Variants in KLHL1 observed in about 807,000 individuals in gnomAD.
KLHL1 encodes kelch-like protein 1.
In KLHL1, 47 loss-of-function variants were observed where a neutral mutation model predicts 77.7. The observed-to-expected ratio is 0.60, with a 90% CI of 0.48 to 0.77. The LOEUF (loss-of-function observed/expected upper bound fraction) is 0.77, where lower values mean the gene tolerates loss of function less well. Among genes scored for constraint, KLHL1 ranks in the 30% least tolerant of loss-of-function variants. The probability of loss-of-function intolerance (pLI) is 0.00; values close to 1 mark genes in which losing one functional copy is unlikely to be tolerated. For missense variants in KLHL1, 925 were observed against 910.8 expected, an observed-to-expected ratio of 1.02 and a Z score of -0.20; for synonymous variants, 360 against 325.2, an observed-to-expected ratio of 1.11 and a Z score of -1.15.
intron 5 of KLHL1, among the ~76,000 whole-genome samples, chr13:69,847,188 A>G (rs1167782978): frequency 1.3e-5 from 2 of 151,330 alleles, no homozygotes; most frequent in African/African-American, 4.8e-5. Context: ...TTCTTGCTGG[A>G]TGACCTACTT....
chr13:69,760,177 A>C (rs1366675514), intron 7 of KLHL1, among the ~76,000 whole-genome samples: 1 of 150,356 alleles, frequency 6.7e-6, no homozygotes, highest in Non-Finnish European at 1.5e-5. Flanking sequence ...TAAGCCTATT[A>C]AGGAGTAAGA....
chr13:69,765,154 G>A (rs1875234264), intron 7 of KLHL1, among the ~76,000 whole-genome samples: 1 of 151,474 alleles, frequency 6.6e-6, no homozygotes, highest in Non-Finnish European at 1.5e-5. Context: ...ATTTTGCCAT[G>A]TTGGCCAGAA....
intron 1 of KLHL1, among the ~76,000 whole-genome samples, chr13:70,020,294 G>A (rs868063735): frequency 1.4e-4 from 21 of 152,200 alleles, no homozygotes; most frequent in African/African-American, 4.6e-4. Context: ...ATATTTTCCA[G>A]AATGGTTCAC....
intron 1 of KLHL1, among the ~76,000 whole-genome samples, chr13:70,033,720 A>G (rs909295428): frequency 4.2e-5 from 6 of 142,674 alleles, no homozygotes; most frequent in African/African-American, 1.6e-4. Flanking sequence ...CCCGGGTTCA[A>G]GCTATTCTCA....
At chr13:70,103,304 G>C (rs1887969205) in intron 1 of KLHL1, among the ~76,000 whole-genome samples, 1 of 152,114 alleles carries the variant, frequency 6.6e-6, no homozygotes, top group Non-Finnish European at 1.5e-5. Context: ...GTAAGTGAAT[G>C]GCCTACATAG....
intron 1 of KLHL1, among the ~76,000 whole-genome samples, chr13:69,996,745 T>C (rs1200528137): frequency 6.6e-6 from 1 of 151,942 alleles, no homozygotes; most frequent in East Asian, 1.9e-4. Context: ...GATTATTAAA[T>C]GTAGAGGGCA....
chr13:70,018,290 GATAAA>G (rs1301294104), intron 1 of KLHL1, among the ~76,000 whole-genome samples: 19 of 152,180 alleles, frequency 1.2e-4, no homozygotes, highest in African/African-American at 4.3e-4. Context: ...ATAAATGGAA[GATAAA>G]ATAAATTGTC....
chr13:69,750,512 G>GTA (rs1016847686), intron 7 of KLHL1, among the ~76,000 whole-genome samples: 1 of 151,508 alleles, frequency 6.6e-6, no homozygotes, highest in Non-Finnish European at 1.5e-5. Context: ...ATGTATGTGT[G>GTA]TATATATATG....
chr13:69,944,620 T>A (rs764924912), intron 3 of KLHL1, among the ~76,000 whole-genome samples: 1 of 152,140 alleles, frequency 6.6e-6, no homozygotes, highest in Non-Finnish European at 1.5e-5. Flanking sequence ...AAGATCAATA[T>A]TGCTAAGATT....
intron 1 of KLHL1, among the ~76,000 whole-genome samples, chr13:70,065,351 T>G (rs973134247): frequency 5.9e-5 from 9 of 152,164 alleles, no homozygotes; most frequent in African/African-American, 2.2e-4. Flanking sequence ...CATAGCCAAC[T>G]CCAGATTCTT....
chr13:69,787,198 C>T (rs373239624), intron 7 of KLHL1, among the ~76,000 whole-genome samples: 25 of 152,256 alleles, frequency 1.6e-4, no homozygotes, highest in South Asian at 1.0e-3. Context: ...GCCCTCATTG[C>T]CAAGTCAATC....
chr13:69,715,007 A>G (rs77983781), intron 9 of KLHL1, among the ~76,000 whole-genome samples: 13,044 of 152,202 alleles, frequency 0.086, 743 homozygotes, highest in African/African-American at 0.16. Flanking sequence ...GATGCCAGAA[A>G]AATTCTGGGC....
intron 1 of KLHL1, among the ~76,000 whole-genome samples, chr13:70,053,986 G>C (rs1484726585): frequency 1.3e-5 from 2 of 152,138 alleles, no homozygotes; most frequent in Non-Finnish European, 2.9e-5. Context: ...GACAGGTTTT[G>C]TGTGGCCTTT....
chr13:69,809,909 A>G (rs1423518024), intron 6 of KLHL1, among the ~76,000 whole-genome samples: 1 of 152,078 alleles, frequency 6.6e-6, no homozygotes, highest in Non-Finnish European at 1.5e-5. Flanking sequence ...TTCGTTTATC[A>G]GATAAAATAG....
intron 8 of KLHL1, among the ~76,000 whole-genome samples, chr13:69,731,045 T>C (rs997412853): frequency 3.3e-5 from 5 of 152,068 alleles, no homozygotes; most frequent in African/African-American, 4.8e-5. Flanking sequence ...TAAAAAATCA[T>C]TTTCAAGAGA....
chr13:69,869,636 G>A (rs548138369), intron 5 of KLHL1, among the ~76,000 whole-genome samples: 1 of 152,092 alleles, frequency 6.6e-6, no homozygotes, highest in South Asian at 2.1e-4. Context: ...CTGTGGAATT[G>A]CTCTTCTCTA....
Position 70,100,574 on chromosome 13 carries a change from C to T in KLHL1, c.497+6629G>A, listed in dbSNP as rs139514879. ...GGTCTTGAACTCTTGACCTCACGAT[C>T]CACCAACCTTGGCCTCCCAAAGTGC... On this transcript the variant is annotated intron_variant, in intron 1 of 10. Coordinates refer to ENST00000377844, the MANE Select transcript of KLHL1 (RefSeq NM_020866.3). Among the ~76,000 whole-genome samples the T allele has an allele frequency of 5.5e-3, 834 of 152,250 alleles. 10 individuals are homozygous for T. The highest frequency in any genetic ancestry group is 0.019 in the African/African-American group (796 of 41,554).
intron 1 of KLHL1, among the ~76,000 whole-genome samples, chr13:69,977,273 T>C (rs1390792113): frequency 2.0e-5 from 3 of 152,044 alleles, no homozygotes; most frequent in Non-Finnish European, 4.4e-5. Flanking sequence ...TATTACTTAA[T>C]AGATATAAAA....
At chr13:69,888,502 C>T (rs1221275315) in intron 4 of KLHL1, among the ~76,000 whole-genome samples, 3 of 151,956 alleles carry the variant, frequency 2.0e-5, no homozygotes, top group Non-Finnish European at 2.9e-5. Context: ...GAATAGAACT[C>T]AGTGTGAAGA....
Sources: allele counts gnomAD v4.1 joint callset (sites outside exome capture counted in the v4.1 genomes callset), GRCh38; gene constraint gnomAD v4.1.1; transcripts MANE v1.5; gene names NCBI Gene and HGNC (gene_info 2026-07-23, HGNC 2026-07-21).